Variants in MGLL observed in about 807,000 individuals in gnomAD.
MGLL encodes the protein monoglyceride lipase, also known as lysophospholipase homolog.
In MGLL, 7 loss-of-function variants were observed where a neutral mutation model predicts 29.1. The observed-to-expected ratio is 0.24, with a 90% CI of 0.14 to 0.45. MGLL has a LOEUF of 0.45. Ranked by LOEUF, MGLL falls within the 20% of genes least tolerant of loss-of-function variation. MGLL has a pLI of 0.99. For missense variants in MGLL, 356 were observed against 413.6 expected (o/e 0.86, Z 1.21); for synonymous variants, 148 against 168.3 (o/e 0.88, Z 0.93).
intron 2 of MGLL, among the ~76,000 whole-genome samples, chr3:127,789,596 G>T (rs1286292557): frequency 6.6e-6 from 1 of 152,104 alleles, no homozygotes; most frequent in African/African-American, 2.4e-5. Context: ...TACTTGGAAG[G>T]CTGAGGTGGG....
chr3:127,763,782 G>C (rs1486735026), intron 3 of MGLL, among the ~76,000 whole-genome samples: 1 of 152,114 alleles, frequency 6.6e-6, no homozygotes, highest in Non-Finnish European at 1.5e-5. Context: ...CTCTCCCAGA[G>C]ACTGAACCCC....
intron 3 of MGLL, among the ~76,000 whole-genome samples, chr3:127,723,866 C>T (rs1021336770): frequency 1.3e-5 from 2 of 152,050 alleles, no homozygotes; most frequent in Non-Finnish European, 2.9e-5. Context: ...CCCAGGATCT[C>T]GGAATGGGAC....
intron 3 of MGLL, among the ~76,000 whole-genome samples, chr3:127,759,248 C>T (rs765257431): frequency 1.3e-5 from 2 of 152,120 alleles, no homozygotes; most frequent in Middle Eastern, 3.2e-3. Context: ...CTCACAGCGT[C>T]CATTATTATA....
chr3:127,758,549 C>T (rs1320206317), intron 3 of MGLL, among the ~76,000 whole-genome samples: 1 of 152,202 alleles, frequency 6.6e-6, no homozygotes, highest in Admixed American at 6.5e-5. Context: ...GTCAGCTTGG[C>T]CCTCTTAGAG....
chr3:127,816,554 G>T (rs2077758910), intron 2 of MGLL, among the ~76,000 whole-genome samples: 1 of 152,200 alleles, frequency 6.6e-6, no homozygotes. Context: ...GCTGGGGGCT[G>T]ATGTGAGGAG....
At chr3:127,703,322 G>A (rs982812575) in intron 6 of MGLL, among the ~76,000 whole-genome samples, 1 of 152,200 alleles carries the variant, frequency 6.6e-6, no homozygotes. Context: ...AAACAAGAAA[G>A]AATTCCCAGG....
chr3:127,757,224 C>A (rs1470279095), intron 3 of MGLL, among the ~76,000 whole-genome samples: 1 of 152,150 alleles, frequency 6.6e-6, no homozygotes, highest in Non-Finnish European at 1.5e-5. Context: ...GGAGCCACAC[C>A]CAGCCAAGCC....
At chr3:127,754,224 C>T (rs954236685) in intron 3 of MGLL, among the ~76,000 whole-genome samples, 3 of 152,160 alleles carry the variant, frequency 2.0e-5, no homozygotes, top group Non-Finnish European at 1.5e-5. Flanking sequence ...CAGGCACTGC[C>T]GCCCACTCCC....
chr3:127,812,430 T>C (rs1280363346), intron 2 of MGLL, among the ~76,000 whole-genome samples: 1 of 152,106 alleles, frequency 6.6e-6, no homozygotes, highest in East Asian at 1.9e-4. Context: ...CTCCTTGACA[T>C]GGAACTGAGT....
At chr3:127,774,886 G>C (rs906814105) in intron 3 of MGLL, among the ~76,000 whole-genome samples, 1 of 152,122 alleles carries the variant, frequency 6.6e-6, no homozygotes, top group Admixed American at 6.6e-5. Flanking sequence ...TCATCTCCAC[G>C]GCCACAGAGC....
At chr3:127,713,399 G>A (rs952307908) in intron 5 of MGLL, 1 of 152,050 alleles carries the variant, frequency 6.6e-6, no homozygotes, top group Non-Finnish European at 1.5e-5. Flanking sequence ...GTAACGGGAT[G>A]GTGTGCAAGT....
upstream of MGLL, chr3:127,822,541 G>A: frequency 1.7e-6 from 1 of 593,096 alleles, no homozygotes; most frequent in South Asian, 2.1e-5. Flanking sequence ...CCCCAGGGCG[G>A]GGAGCGGCGC....
chr3:127,793,815 G>T (rs2077340388), intron 2 of MGLL, among the ~76,000 whole-genome samples: 2 of 152,152 alleles, frequency 1.3e-5, no homozygotes, highest in African/African-American at 4.8e-5. Flanking sequence ...ACCTGCCTTG[G>T]CCTCCCAAAG....
intron 2 of MGLL, 67 bp from the exon 3 acceptor site, chr3:127,781,962 T>A: frequency 6.8e-7 from 1 of 1,474,668 alleles, no homozygotes; most frequent in African/African-American, 1.4e-5. Context: ...GGCTCATGCC[T>A]ACAATTCCAG....
intron 3 of MGLL, among the ~76,000 whole-genome samples, chr3:127,749,625 CTG>C (rs2076518393): frequency 2.0e-5 from 3 of 152,282 alleles, no homozygotes; most frequent in African/African-American, 7.2e-5. Context: ...GCCTCTCATC[CTG>C]TGGCCCAGAG....
At chr3:127,696,113 C>A (rs145102983) in intron 6 of MGLL, among the ~76,000 whole-genome samples, 2 of 152,200 alleles carry the variant, frequency 1.3e-5, no homozygotes, top group African/African-American at 4.8e-5. Context: ...GGTGGTCAGA[C>A]GCCCTGACAG....
chr3:127,698,449 A>G (rs919788056), intron 6 of MGLL, among the ~76,000 whole-genome samples: 1 of 152,354 alleles, frequency 6.6e-6, no homozygotes, highest in South Asian at 2.1e-4. Flanking sequence ...AGCCCAGAAC[A>G]TGAGCCCATT....
chr3:127,775,459 TC>T (rs2077017545), intron 3 of MGLL, among the ~76,000 whole-genome samples: 2 of 152,146 alleles, frequency 1.3e-5, no homozygotes, highest in African/African-American at 4.8e-5. Context: ...ATACAATTAT[TC>T]CCCCTGAATT....
At chr3:127,693,183 C>T (rs183240670) in intron 7 of MGLL, among the ~76,000 whole-genome samples, 82 of 152,300 alleles carry the variant, frequency 5.4e-4, no homozygotes, top group African/African-American at 1.9e-3. Context: ...TTTCCGGTCT[C>T]ATTACAGCCT....
Sources: allele counts gnomAD v4.1 joint callset (sites outside exome capture counted in the v4.1 genomes callset), GRCh38; gene constraint gnomAD v4.1.1; transcripts MANE v1.5; gene names NCBI Gene and HGNC (gene_info 2026-07-23, HGNC 2026-07-21).